TOM1L1: variants seen among roughly 807,000 people sequenced by gnomAD.
The protein encoded by TOM1L1 is target of myb1 like 1 membrane trafficking protein, also known as TOM1-like protein 1.
In TOM1L1, 64 loss-of-function variants were observed where a neutral mutation model predicts 63.4. The observed-to-expected ratio is 1.01, with a 90% CI of 0.83 to 1.24. The LOEUF (loss-of-function observed/expected upper bound fraction) is 1.24. Ranked by LOEUF, TOM1L1 falls within the 50% of genes most tolerant of loss-of-function variation. TOM1L1 has a pLI of 0.00. For missense variants in TOM1L1, 536 were observed against 567.0 expected, an observed-to-expected ratio of 0.95 and a Z score of 0.55; for synonymous variants, 166 against 194.4, an observed-to-expected ratio of 0.85 and a Z score of 1.22.
intron 14 of TOM1L1, among the ~76,000 whole-genome samples, chr17:54,960,354 G>C (rs1401064257): frequency 6.6e-6 from 1 of 152,002 alleles, no homozygotes; most frequent in Non-Finnish European, 1.5e-5. Flanking sequence ...AAAAGAGTGA[G>C]ACTCTGTCTC....
Position 54,915,859 on chromosome 17 carries a change from G to A in TOM1L1, c.717G>A (p.Leu239=), listed in dbSNP as rs776106352. 8.1e-6 allele frequency: 13 copies of A among 1,611,382 alleles called. No homozygotes were observed. Among genetic ancestry groups the A allele is most frequent in the South Asian group, 1.1e-5 (1 of 90,988 alleles). The change falls in exon 7 of 16, where the codon CTG becomes CTA. Residue 239 remains leucine (L), a synonymous_variant. Coordinates refer to ENST00000575882, the MANE Select transcript of TOM1L1 (RefSeq NM_005486.3). ...AAAACCATGAAGACATAGAGCTTCT[G>A]CAGGTGTTGTACGATTTCAGGGACT... ...GSENHEDIEL[L]QKLYKTGREM...
chr17:54,926,246 A>C (rs191108039), intron 7 of TOM1L1, among the ~76,000 whole-genome samples: 1 of 152,146 alleles, frequency 6.6e-6, no homozygotes, highest in African/African-American at 2.4e-5. Context: ...GATTTTCTTT[A>C]GTTTTCTGAA....
chr17:54,910,752 C>G (rs1457945682), intron 3 of TOM1L1, among the ~76,000 whole-genome samples: 2 of 152,104 alleles, frequency 1.3e-5, no homozygotes, highest in Non-Finnish European at 2.9e-5. Context: ...TTTTCTTTGC[C>G]TTAAAGGTTT....
intron 8 of TOM1L1, among the ~76,000 whole-genome samples, chr17:54,935,056 C>G (rs2048924209): frequency 6.6e-6 from 1 of 152,072 alleles, no homozygotes; most frequent in Admixed American, 6.6e-5. Context: ...TTTGAAAAAT[C>G]ATTCAACTGT....
Position 54,937,166 on chromosome 17 carries a change from CG to C in TOM1L1, c.975del (p.Met326CysfsTer12), listed in dbSNP as rs571789547. On this transcript the variant is annotated frameshift_variant, in exon 10 of 16. Transcript: ENST00000575882. LOFTEE classifies it high-confidence loss of function. ...QDLLDLSPSP[R>X]MPRATLGELN... is the part of the protein sequence containing the mutation. ...TCTCCTCGACCTAAGTCCCAGTCCC[CG>C]GATGCCTAGGGCCACTCTGGGAGAA... 32 of 1,613,952 alleles carry C rather than the reference CG, an allele frequency of 2.0e-5. 1 individual carries two copies. The African/African-American group carries it at 3.2e-4, about 16-fold the overall frequency.
intron 8 of TOM1L1, among the ~76,000 whole-genome samples, chr17:54,934,747 T>C (rs1277876888): frequency 6.6e-6 from 1 of 151,926 alleles, no homozygotes; most frequent in Non-Finnish European, 1.5e-5. Flanking sequence ...AGATGGACTC[T>C]TGCTTTGCTG....
At chr17:54,922,555 A>T (rs1248579350) in intron 7 of TOM1L1, among the ~76,000 whole-genome samples, 1 of 152,106 alleles carries the variant, frequency 6.6e-6, no homozygotes, top group Non-Finnish European at 1.5e-5. Flanking sequence ...GTAAACCGTG[A>T]TTGCACCATT....
At chr17:54,936,988 G>T in intron 9 of TOM1L1, 121 bp from the exon 10 acceptor site, 1 of 853,294 alleles carries the variant, frequency 1.2e-6, no homozygotes, top group South Asian at 1.6e-5. Flanking sequence ...TGCTCGTTGA[G>T]TGGAGAATTC....
At chr17:54,947,740 T>G (rs2049143492) in intron 12 of TOM1L1, among the ~76,000 whole-genome samples, 1 of 152,192 alleles carries the variant, frequency 6.6e-6, no homozygotes, top group South Asian at 2.1e-4. Flanking sequence ...TTGGTGGCTC[T>G]TCCTCCTCTA....
intron 4 of TOM1L1, among the ~76,000 whole-genome samples, 158 bp downstream of exon 4, chr17:54,912,973 T>G (rs1002173876): frequency 6.6e-6 from 1 of 152,230 alleles, no homozygotes; most frequent in African/African-American, 2.4e-5. Context: ...TTTTTTGGCA[T>G]TGGATGGTGC....
chr17:54,936,048 G>A (rs887360626), intron 8 of TOM1L1, among the ~76,000 whole-genome samples: 7 of 151,930 alleles, frequency 4.6e-5, no homozygotes, highest in Non-Finnish European at 8.8e-5. Flanking sequence ...GCTTGAACCC[G>A]GGAGGCAGAG....
At chr17:54,900,947 C>G (rs1302509053) in intron 1 of TOM1L1, 24 bp downstream of exon 1, 1 of 1,613,604 alleles carries the variant, frequency 6.2e-7, no homozygotes, top group Admixed American at 1.7e-5. Flanking sequence ...GGGAGAGACG[C>G]CCAGGCAGGC....
intron 8 of TOM1L1, chr17:54,930,455 A>C: frequency 2.6e-5 from 10 of 383,690 alleles, no homozygotes; most frequent in Non-Finnish European, 3.3e-5. Flanking sequence ...CTATAATCTC[A>C]GCACTTTTGG....
chr17:54,957,874 C>T (rs1243125069), intron 14 of TOM1L1: 1 of 152,102 alleles, frequency 6.6e-6, no homozygotes, highest in Non-Finnish European at 1.5e-5. Context: ...AGAGGTTAAA[C>T]GTAGTATGGA....
chr17:54,913,665 C>CA (rs58570485), intron 4 of TOM1L1, 83 bp from the exon 5 acceptor site: 115,486 of 1,059,712 alleles, frequency 0.11, 1,669 homozygotes, highest in East Asian at 0.23. Context: ...GACTCTGTCT[C>CA]AAAAAAAAAA....
chr17:54,906,242 G>A (rs969387031), intron 3 of TOM1L1, among the ~76,000 whole-genome samples: 1 of 152,300 alleles, frequency 6.6e-6, no homozygotes, highest in South Asian at 2.1e-4. Context: ...GCCGAGGCAG[G>A]TGGATCACCT....
intron 14 of TOM1L1, chr17:54,952,693 C>T (rs1010423822): frequency 6.6e-6 from 1 of 152,156 alleles, no homozygotes; most frequent in South Asian, 2.1e-4. Context: ...TGCACACTCT[C>T]CTCCTCCCTG....
intron 14 of TOM1L1, chr17:54,952,133 G>A (rs961400319): frequency 1.5e-4 from 23 of 152,140 alleles, no homozygotes; most frequent in African/African-American, 4.1e-4. Flanking sequence ...CAAATTTTAC[G>A]AAGAGGTTAA....
rs2077127542 is a variant in TOM1L1, at chr17:54,961,638, GTAT to G, written c.*410_*412del. 9.1e-7 allele frequency: 1 copy of G among 1,101,564 alleles called. No homozygotes were observed. The highest frequency in any genetic ancestry group is 1.1e-6 in the Non-Finnish European group (1 of 903,678). The allele number at this position is 1,101,564 out of a possible 1,614,324, so 68.2% of individuals were successfully genotyped here. A position where few individuals can be genotyped will look rare whatever the true frequency, so the allele number is the denominator to read the frequency against. On this transcript the variant is annotated 3_prime_UTR_variant, in exon 16 of 16. Transcript: ENST00000575882. ...AAGCATAAAATGTGAGAAACTGAAT[GTAT>G]TATTCAGGAAGAATACTGAGTGCCT...
Sources: allele counts gnomAD v4.1 joint callset (sites outside exome capture counted in the v4.1 genomes callset), GRCh38; gene constraint gnomAD v4.1.1; transcripts MANE v1.5; gene names NCBI Gene and HGNC (gene_info 2026-07-23, HGNC 2026-07-21).